Variants in RASGRP1 observed in about 807,000 individuals in gnomAD.
RASGRP1 encodes RAS guanyl-releasing protein 1.
RASGRP1 carries 37 observed loss-of-function variants against 95.1 expected under a neutral mutation model. That is an observed-to-expected ratio of 0.39 (90% CI 0.30 to 0.51). The LOEUF is 0.51. Ranked by LOEUF, RASGRP1 falls within the 20% of genes least tolerant of loss-of-function variation. The probability of loss-of-function intolerance (pLI) is 0.80; values close to 1 mark genes in which losing one functional copy is unlikely to be tolerated. For missense variants in RASGRP1, 711 were observed against 965.4 expected (o/e 0.74, Z 3.49); for synonymous variants, 325 against 353.4 (o/e 0.92, Z 0.90).
chr15:38,501,137 A>G lies in RASGRP1; in HGVS notation c.1683+6T>C. ...TCAGCCCTGGAGCACCCTAAGAACA[A>G]CTTACAAATCCAGCACAGTTGTCAC... On this transcript the variant is annotated splice_donor_region_variant and intron_variant, in intron 13 of 16. Transcript: ENST00000310803. The G allele has an allele frequency of 6.3e-7, 1 of 1,591,254 alleles. No individual in the cohort carries two copies. Among genetic ancestry groups the G allele is most frequent in the Non-Finnish European group, 8.5e-7 (1 of 1,170,226 alleles).
chr15:38,508,876 A>G (rs963727727), intron 8 of RASGRP1, among the ~76,000 whole-genome samples: 6 of 152,208 alleles, frequency 3.9e-5, no homozygotes, highest in African/African-American at 1.4e-4. Context: ...CAATCATGTT[A>G]TCATACAACA....
At chr15:38,547,722 A>G (rs1473333848) in intron 2 of RASGRP1, among the ~76,000 whole-genome samples, 1 of 150,796 alleles carries the variant, frequency 6.6e-6, no homozygotes, top group East Asian at 1.9e-4. Flanking sequence ...CACATGTGGT[A>G]AATGGCAGAC....
chr15:38,500,549 T>C lies in RASGRP1; in HGVS notation c.1684-410A>G, dbSNP rs145194250. ...TTAGTAGAGACGGGTTTTCACCATG[T>C]TAGGTGGGCTGGTCTCGAACTCGGG... is the stretch of plus-strand genomic sequence containing the variant. On this transcript the variant is annotated intron_variant, in intron 13 of 16. Coordinates refer to ENST00000310803, the MANE Select transcript of RASGRP1 (RefSeq NM_005739.4). Among the ~76,000 whole-genome samples the C allele has an allele frequency of 6.1e-3, 927 of 152,082 alleles. 8 individuals are homozygous for C. The highest frequency in any genetic ancestry group is 6.0e-3 in the Admixed American group (92 of 15,274).
chr15:38,516,110 G>T, intron 6 of RASGRP1, 87 bp downstream of exon 6: 1 of 1,455,106 alleles, frequency 6.9e-7, no homozygotes, highest in Non-Finnish European at 9.5e-7. Context: ...GGCCTCTAAG[G>T]TTATGAAGCG....
chr15:38,523,708 T>A (rs932007787), intron 3 of RASGRP1, among the ~76,000 whole-genome samples: 1 of 152,192 alleles, frequency 6.6e-6, no homozygotes, highest in African/African-American at 2.4e-5. Context: ...TATCATTTTT[T>A]AATCTTTTAT....
intron 2 of RASGRP1, among the ~76,000 whole-genome samples, chr15:38,543,644 T>C (rs1892991106): frequency 6.9e-6 from 1 of 144,194 alleles, no homozygotes; most frequent in Non-Finnish European, 1.5e-5. Flanking sequence ...TTTTTTCTTT[T>C]TTTCTTTTTT....
intron 3 of RASGRP1, 85 bp from the exon 4 acceptor site, chr15:38,519,456 C>T (rs1271525412): frequency 4.1e-6 from 4 of 985,750 alleles, no homozygotes; most frequent in Non-Finnish European, 6.2e-6. Flanking sequence ...CTGAAACTAC[C>T]TCCCAAAATA....
At chr15:38,495,636 A>G (rs1890767446) in intron 15 of RASGRP1, among the ~76,000 whole-genome samples, 2 of 152,222 alleles carry the variant, frequency 1.3e-5, no homozygotes, top group Admixed American at 6.5e-5. Context: ...AAATCTTACA[A>G]AGATCTTAGT....
chr15:38,519,996 G>A (rs962822230), intron 3 of RASGRP1, among the ~76,000 whole-genome samples: 1 of 152,066 alleles, frequency 6.6e-6, no homozygotes, highest in African/African-American at 2.4e-5. Context: ...CAAAACTGGA[G>A]GTCACCTTAA....
At chr15:38,499,076 A>C (rs1392175394) in intron 14 of RASGRP1, 130 bp from the exon 15 acceptor site, 1 of 1,238,230 alleles carries the variant, frequency 8.1e-7, no homozygotes. Flanking sequence ...TAAGACACTT[A>C]ACATTCCTAA....
intron 2 of RASGRP1, 34 bp from the exon 3 acceptor site, chr15:38,526,438 C>T: frequency 6.4e-7 from 1 of 1,562,998 alleles, no homozygotes; most frequent in Non-Finnish European, 8.8e-7. Flanking sequence ...TGAGTTAGGC[C>T]CTGGAGGGAA....
At chr15:38,553,717 T>C (rs375145806) in intron 2 of RASGRP1, among the ~76,000 whole-genome samples, 1 of 152,230 alleles carries the variant, frequency 6.6e-6, no homozygotes, top group African/African-American at 2.4e-5. Context: ...GTACATTTTA[T>C]AGGGGGCTTA....
At chr15:38,551,853 C>G (rs763951854) in intron 2 of RASGRP1, among the ~76,000 whole-genome samples, 3 of 152,096 alleles carry the variant, frequency 2.0e-5, no homozygotes, top group Non-Finnish European at 4.4e-5. Flanking sequence ...GTTCATAAAA[C>G]TGGAAATACA....
chr15:38,500,270 A>G (rs1890960394), intron 13 of RASGRP1, 131 bp from the exon 14 acceptor site: 1 of 850,760 alleles, frequency 1.2e-6, no homozygotes, highest in African/African-American at 1.7e-5. Context: ...TTTATCTCTC[A>G]TGTCTTGTCC....
At chr15:38,531,928 T>G (rs1892457368) in intron 2 of RASGRP1, among the ~76,000 whole-genome samples, 2 of 152,028 alleles carry the variant, frequency 1.3e-5, no homozygotes, top group South Asian at 4.2e-4. Context: ...CTGCCCTCAT[T>G]CCGTACAGCA....
chr15:38,519,383 G>C lies in RASGRP1; in HGVS notation c.327-12C>G. 6.6e-7 allele frequency: 1 copy of C among 1,506,646 alleles called. No individual in the cohort carries two copies. Among genetic ancestry groups the C allele is most frequent in the Non-Finnish European group, 9.2e-7 (1 of 1,088,724 alleles). The allele number at this position is 1,506,646 out of a possible 1,614,324, so 93.3% of individuals were successfully genotyped here. A position where few individuals can be genotyped will look rare whatever the true frequency, so the allele number is the denominator to read the frequency against. On this transcript the variant is annotated splice_polypyrimidine_tract_variant and intron_variant, in intron 3 of 16. Coordinates refer to ENST00000310803, the MANE Select transcript of RASGRP1 (RefSeq NM_005739.4). ...AAGCATCCTTATAGGTAGGGCTGTG[G>C]TTAAGGGAAATGGAGACCTCTGTTA...
intron 7 of RASGRP1, among the ~76,000 whole-genome samples, chr15:38,512,443 T>G (rs745522689): frequency 5.9e-5 from 9 of 152,228 alleles, no homozygotes; most frequent in Non-Finnish European, 1.0e-4. Flanking sequence ...CTCCAGTAAA[T>G]CTTAGAATTG....
chr15:38,532,839 A>G (rs537914636), intron 2 of RASGRP1, among the ~76,000 whole-genome samples: 2 of 152,318 alleles, frequency 1.3e-5, no homozygotes, highest in East Asian at 1.9e-4. Flanking sequence ...ATTGCCTGAA[A>G]TAAGCTCCTT....
At chr15:38,559,360 C>A (rs1173432581) in intron 2 of RASGRP1, among the ~76,000 whole-genome samples, 1 of 152,154 alleles carries the variant, frequency 6.6e-6, no homozygotes, top group African/African-American at 2.4e-5. Context: ...TGGCTTTACC[C>A]AGTCCTTTCC....
Sources: gnomAD v4.1 joint callset for allele counts (sites outside exome capture counted in the v4.1 genomes callset) on GRCh38, gnomAD v4.1.1 for gene constraint, MANE v1.5 for transcripts, NCBI Gene and HGNC (gene_info 2026-07-23, HGNC 2026-07-21) for gene names.